The following CACNA2D1 variants were observed in gnomAD, a reference collection of about 807,000 sequenced individuals.
CACNA2D1 encodes voltage-dependent calcium channel subunit alpha-2/delta-1.
Under a neutral mutation model 171.5 loss-of-function variants are expected in CACNA2D1, and 53 were observed. The observed-to-expected ratio is 0.31, with a 90% CI of 0.25 to 0.39. The LOEUF (loss-of-function observed/expected upper bound fraction) is 0.39. Among genes scored for constraint, CACNA2D1 ranks in the 10% least tolerant of loss-of-function variants. The pLI is 1.00. For missense variants in CACNA2D1, 903 were observed against 1,299.8 expected, an observed-to-expected ratio of 0.69 and a Z score of 4.69; for synonymous variants, 442 against 443.1, an observed-to-expected ratio of 1.00 and a Z score of 0.03.
At chr7:82,220,068 T>G (rs34941399) in intron 3 of CACNA2D1, among the ~76,000 whole-genome samples, 4 of 152,114 alleles carry the variant, frequency 2.6e-5, no homozygotes, top group Admixed American at 1.3e-4. Context: ...AATAAAAAAC[T>G]GCATAAAATT....
At chr7:82,256,604 A>G (rs1402476152) in intron 3 of CACNA2D1, among the ~76,000 whole-genome samples, 1 of 152,192 alleles carries the variant, frequency 6.6e-6, no homozygotes, top group Non-Finnish European at 1.5e-5. Context: ...AGAGAGAAAA[A>G]AGAATGGTAA....
chr7:82,066,393 T>C, intron 8 of CACNA2D1, 62 bp downstream of exon 8: 1 of 1,589,190 alleles, frequency 6.3e-7, no homozygotes. Flanking sequence ...AATTCTGACT[T>C]TTTAGCAAAT....
In CACNA2D1 at chr7:82,341,936, C is replaced by T. The variant is rs185238147; in HGVS notation, c.178-6685G>A. 7.8e-3 allele frequency among the ~76,000 whole-genome samples: 1,178 copies of T among 151,732 alleles called. 20 individuals are homozygous for T. Among genetic ancestry groups the T allele is most frequent in the African/African-American group, 0.026 (1,070 of 41,402 alleles). ...AGGCGTGGTGGCAGGCACCTGTAGT[C>T]CCAGCTATCTGGGAGGCTGAGGCAG... On this transcript the variant is annotated intron_variant, in intron 2 of 38. Transcript: ENST00000356860.
At chr7:82,137,607 C>T (rs1311388381) in intron 4 of CACNA2D1, among the ~76,000 whole-genome samples, 9 of 151,170 alleles carry the variant, frequency 6.0e-5, no homozygotes, top group Non-Finnish European at 1.3e-4. Flanking sequence ...CGCGGTGGCT[C>T]ACGCCTGTAA....
intron 11 of CACNA2D1, 128 bp downstream of exon 11, chr7:82,037,949 A>C: frequency 1.1e-6 from 1 of 871,776 alleles, no homozygotes; most frequent in South Asian, 1.4e-5. Context: ...CTGCCTGCAC[A>C]CATCTGTGTT....
intron 32 of CACNA2D1, 103 bp downstream of exon 32, chr7:81,965,491 T>G: frequency 1.3e-6 from 1 of 764,982 alleles, no homozygotes. Flanking sequence ...ATGACAGAAA[T>G]AAAACAACTC....
chr7:82,199,056 T>G (rs1321777275), intron 3 of CACNA2D1, among the ~76,000 whole-genome samples: 1 of 152,118 alleles, frequency 6.6e-6, no homozygotes, highest in Admixed American at 6.6e-5. Context: ...ACACTTATGA[T>G]TCTAGTTTAT....
intron 1 of CACNA2D1, among the ~76,000 whole-genome samples, chr7:82,376,403 A>T (rs1202552842): frequency 1.3e-5 from 2 of 152,218 alleles, no homozygotes; most frequent in Non-Finnish European, 2.9e-5. Context: ...TTACTTCCCA[A>T]ATAGGAGGCT....
At chr7:82,231,435 T>C (rs571833169) in intron 3 of CACNA2D1, among the ~76,000 whole-genome samples, 1 of 152,334 alleles carries the variant, frequency 6.6e-6, no homozygotes, top group South Asian at 2.1e-4. Flanking sequence ...CTGCATTAAC[T>C]GTGCTTGTTT....
At chr7:82,272,272 G>T (rs759017603) in intron 3 of CACNA2D1, among the ~76,000 whole-genome samples, 7 of 152,148 alleles carry the variant, frequency 4.6e-5, no homozygotes, top group Non-Finnish European at 1.0e-4. Context: ...TTGTACTATA[G>T]GTAGTCCAGT....
chr7:82,209,680 T>C (rs866707196), intron 3 of CACNA2D1, among the ~76,000 whole-genome samples: 1 of 152,186 alleles, frequency 6.6e-6, no homozygotes, highest in Non-Finnish European at 1.5e-5. Flanking sequence ...GTTCTATCTC[T>C]AATTTTTTCT....
intron 3 of CACNA2D1, among the ~76,000 whole-genome samples, chr7:82,292,221 C>A (rs1226037610): frequency 6.6e-6 from 1 of 152,148 alleles, no homozygotes; most frequent in Non-Finnish European, 1.5e-5. Flanking sequence ...AACTTAGTCA[C>A]TTCAACAGGA....
At chr7:82,384,419 A>G (rs1824090577) in intron 1 of CACNA2D1, among the ~76,000 whole-genome samples, 1 of 152,146 alleles carries the variant, frequency 6.6e-6, no homozygotes. Flanking sequence ...GCAAGCCACA[A>G]AGAGAGCTCT....
At chr7:82,111,767 A>G (rs1054359418) in intron 6 of CACNA2D1, among the ~76,000 whole-genome samples, 6 of 152,020 alleles carry the variant, frequency 3.9e-5, no homozygotes, top group African/African-American at 1.4e-4. Flanking sequence ...TATTCCAATA[A>G]AAGATAGTAA....
At chr7:82,050,422 C>A in intron 10 of CACNA2D1, 2 of 590,248 alleles carry the variant, frequency 3.4e-6, no homozygotes, top group Non-Finnish European at 6.0e-6. Flanking sequence ...AACCTCAATT[C>A]CCACAGGATG....
At chr7:82,073,022 G>C (rs554800171) in intron 7 of CACNA2D1, among the ~76,000 whole-genome samples, 2 of 152,208 alleles carry the variant, frequency 1.3e-5, no homozygotes, top group Admixed American at 6.5e-5. Flanking sequence ...TGTGACTGGG[G>C]CTTGAACATG....
intron 4 of CACNA2D1, among the ~76,000 whole-genome samples, chr7:82,150,945 T>G (rs1010646198): frequency 6.6e-6 from 1 of 152,186 alleles, no homozygotes; most frequent in Non-Finnish European, 1.5e-5. Flanking sequence ...ATAGCTTATG[T>G]TTCATTACCC....
intron 28 of CACNA2D1, 28 bp from the exon 29 acceptor site, chr7:81,969,001 C>T: frequency 8.6e-7 from 1 of 1,169,074 alleles, no homozygotes; most frequent in Non-Finnish European, 1.3e-6. Context: ...AAATAAAACA[C>T]CTATCAAGAT....
At chr7:82,122,779 CATTAT>C (rs1197113901) in intron 5 of CACNA2D1, among the ~76,000 whole-genome samples, 4 of 152,136 alleles carry the variant, frequency 2.6e-5, no homozygotes, top group African/African-American at 9.7e-5. Context: ...TAGTAGCATG[CATTAT>C]ATTATAAAAG....
Sources: gnomAD v4.1 joint callset for allele counts (sites outside exome capture counted in the v4.1 genomes callset) on GRCh38, gnomAD v4.1.1 for gene constraint, MANE v1.5 for transcripts, NCBI Gene and HGNC (gene_info 2026-07-23, HGNC 2026-07-21) for gene names.